The following AKAP7 variants were observed in gnomAD, a reference collection of about 807,000 sequenced individuals.
The protein encoded by AKAP7 is A-kinase anchoring protein 7.
AKAP7 carries 39 observed loss-of-function variants against 39.5 expected under a neutral mutation model. The ratio of observed to expected loss-of-function variants is 0.99; its 90% CI spans 0.76 to 1.29. The LOEUF is 1.29. Ranked by LOEUF, AKAP7 falls within the 50% of genes most tolerant of loss-of-function variation. AKAP7 has a pLI of 0.00. For missense variants in AKAP7, 414 were observed against 407.7 expected, an observed-to-expected ratio of 1.02 and a Z score of -0.13; for synonymous variants, 140 against 139.1, an observed-to-expected ratio of 1.01 and a Z score of -0.05.
At chr6:131,160,385 A>T (rs1385611492) in intron 3 of AKAP7, among the ~76,000 whole-genome samples, 187 bp downstream of exon 3, 1 of 152,160 alleles carries the variant, frequency 6.6e-6, no homozygotes, top group East Asian at 1.9e-4. Context: ...GGAAAATATC[A>T]TTTGTTTTTC....
At chr6:131,217,166 A>C (rs1343659137) in intron 6 of AKAP7, among the ~76,000 whole-genome samples, 1 of 152,150 alleles carries the variant, frequency 6.6e-6, no homozygotes, top group African/African-American at 2.4e-5. Flanking sequence ...TTTTAGCTTT[A>C]AAATATAATC....
At chr6:131,225,021 G>T (rs1810046599) in intron 7 of AKAP7, among the ~76,000 whole-genome samples, 1 of 151,896 alleles carries the variant, frequency 6.6e-6, no homozygotes, top group South Asian at 2.1e-4. Context: ...CTCCCAAAGT[G>T]CAGGGATTAC....
At chr6:131,204,616 A>G (rs926779168) in intron 6 of AKAP7, among the ~76,000 whole-genome samples, 1 of 152,196 alleles carries the variant, frequency 6.6e-6, no homozygotes, top group African/African-American at 2.4e-5. Context: ...CCCCCTTGAC[A>G]TGCTGAGGAT....
intron 7 of AKAP7, among the ~76,000 whole-genome samples, chr6:131,245,584 T>C (rs1811940781): frequency 6.6e-6 from 1 of 152,094 alleles, no homozygotes; most frequent in Non-Finnish European, 1.5e-5. Context: ...AACATAAAAA[T>C]TGGAATGTAT....
chr6:131,179,883 A>G (rs1284983108), intron 5 of AKAP7, among the ~76,000 whole-genome samples: 1 of 151,616 alleles, frequency 6.6e-6, no homozygotes, highest in Non-Finnish European at 1.5e-5. Context: ...AAATAAATAA[A>G]TAAATAAATA....
At chr6:131,183,993 T>C (rs916281774) in intron 5 of AKAP7, among the ~76,000 whole-genome samples, 2 of 152,142 alleles carry the variant, frequency 1.3e-5, no homozygotes, top group African/African-American at 2.4e-5. Context: ...GCTCTCCCAC[T>C]CTTTCTAGGA....
At chr6:131,268,503 G>C (rs61269187) in intron 7 of AKAP7, among the ~76,000 whole-genome samples, 2,956 of 152,308 alleles carry the variant, frequency 0.019, 99 homozygotes, top group African/African-American at 0.066. Context: ...TGCTGTTAGT[G>C]AGCTGGCATC....
chr6:131,183,140 T>A (rs896795711), intron 5 of AKAP7, among the ~76,000 whole-genome samples: 1 of 151,998 alleles, frequency 6.6e-6, no homozygotes, highest in Non-Finnish European at 1.5e-5. Flanking sequence ...ATACAGGAAC[T>A]AACGAAAGGA....
At chr6:131,246,720 T>C (rs1472431310) in intron 7 of AKAP7, among the ~76,000 whole-genome samples, 1 of 152,202 alleles carries the variant, frequency 6.6e-6, no homozygotes, top group African/African-American at 2.4e-5. Flanking sequence ...GAAATAGGAT[T>C]ATATTACTCT....
At chr6:131,171,305 GA>G (rs1269499673) in intron 5 of AKAP7, among the ~76,000 whole-genome samples, 5 of 152,182 alleles carry the variant, frequency 3.3e-5, no homozygotes, top group African/African-American at 1.2e-4. Flanking sequence ...AGGCACATAG[GA>G]AGGAGAAGGG....
rs1258744200 is a variant in AKAP7 at position 131,279,685 on chromosome 6, C to CCAT, written c.851-1844_851-1842dup. Among the ~76,000 whole-genome samples the CCAT allele has an allele frequency of 3.9e-5, 6 of 152,242 alleles. No homozygotes were observed. In the East Asian group the frequency reaches 1.2e-3, roughly 29 times the overall value. On this transcript the variant is annotated intron_variant, in intron 7 of 7. Coordinates refer to ENST00000431975, the MANE Select transcript of AKAP7 (RefSeq NM_016377.4). ...ACCCAAAAGGGATTTGGAGGTTGAG[C>CCAT]CATTCATTGGACTCAAATTCAACCC... is the stretch of plus-strand genomic sequence containing the variant.
At chr6:131,253,318 T>C (rs1406602758) in intron 7 of AKAP7, among the ~76,000 whole-genome samples, 1 of 152,196 alleles carries the variant, frequency 6.6e-6, no homozygotes, top group East Asian at 1.9e-4. Flanking sequence ...CCAGAAATAT[T>C]CTTATGCAAT....
At chr6:131,229,434 C>T (rs1428922787) in intron 7 of AKAP7, among the ~76,000 whole-genome samples, 10 of 152,068 alleles carry the variant, frequency 6.6e-5, no homozygotes, top group Non-Finnish European at 1.3e-4. Flanking sequence ...CTGCAACCTC[C>T]GCCTCCTGGG....
intron 6 of AKAP7, among the ~76,000 whole-genome samples, chr6:131,211,772 C>CAAAAA (rs202168206): frequency 0.011 from 930 of 82,872 alleles, 25 homozygotes; most frequent in African/African-American, 0.04. Flanking sequence ...GACTCCGTCT[C>CAAAAA]AAAAAAAAAA....
intron 7 of AKAP7, among the ~76,000 whole-genome samples, chr6:131,252,065 T>G (rs563163258): frequency 6.5e-4 from 99 of 152,354 alleles, no homozygotes; most frequent in African/African-American, 2.3e-3. Context: ...CTTCTTCCCC[T>G]GTCTGTAAGC....
chr6:131,216,263 G>A (rs1185665652), intron 6 of AKAP7, among the ~76,000 whole-genome samples: 1 of 152,132 alleles, frequency 6.6e-6, no homozygotes, highest in Non-Finnish European at 1.5e-5. Context: ...GTGACCGTCT[G>A]TCTACTTCCT....
intron 7 of AKAP7, among the ~76,000 whole-genome samples, chr6:131,253,471 C>G (rs939791221): frequency 5.9e-5 from 9 of 151,810 alleles, no homozygotes; most frequent in Admixed American, 2.0e-4. Context: ...GGGAATATTT[C>G]AACTTCCAGC....
chr6:131,140,189 A>G (rs1395597894), intron 1 of AKAP7, among the ~76,000 whole-genome samples: 1 of 152,174 alleles, frequency 6.6e-6, no homozygotes, highest in Admixed American at 6.5e-5. Flanking sequence ...GCAGAGGTTT[A>G]AAAAAATACC....
chr6:131,153,269 T>G (rs952806011), intron 2 of AKAP7, among the ~76,000 whole-genome samples: 5 of 152,156 alleles, frequency 3.3e-5, no homozygotes, highest in African/African-American at 7.2e-5. Context: ...CAGGATTCCT[T>G]TTTTCCCCAT....
Sources: allele counts gnomAD v4.1 joint callset (sites outside exome capture counted in the v4.1 genomes callset), GRCh38; gene constraint gnomAD v4.1.1; transcripts MANE v1.5; gene names NCBI Gene and HGNC (gene_info 2026-07-23, HGNC 2026-07-21).